Variants in ZNF341 observed in about 807,000 individuals in gnomAD.
ZNF341 encodes the protein zinc finger protein 341.
A neutral mutation model predicts 87.7 loss-of-function variants in ZNF341; 52 were observed. The ratio of observed to expected loss-of-function variants is 0.59; its 90% confidence interval spans 0.47 to 0.75. ZNF341 has a LOEUF of 0.75. Ranked by LOEUF, ZNF341 falls within the 30% of genes least tolerant of loss-of-function variation. The pLI, the probability that ZNF341 is intolerant of heterozygous loss-of-function variation, is 0.00. For synonymous variants in ZNF341, 459 were observed against 472.7 expected (o/e 0.97, Z 0.38); for missense variants, 977 against 1,145.9 (o/e 0.85, Z 2.13).
chr20:33,780,118 G>A (rs527380696), intron 10 of ZNF341, among the ~76,000 whole-genome samples: 32 of 152,286 alleles, frequency 2.1e-4, no homozygotes, highest in Non-Finnish European at 4.6e-4. Flanking sequence ...CCTCTTTGGG[G>A]AGGTGACATT....
intron 4 of ZNF341, among the ~76,000 whole-genome samples, chr20:33,750,327 G>T (rs1394979399): frequency 6.6e-6 from 1 of 152,182 alleles, no homozygotes; most frequent in African/African-American, 2.4e-5. Flanking sequence ...TTCTCCCCTT[G>T]CTGTGTCCCT....
At chr20:33,749,288 C>A (rs2019007176) in intron 4 of ZNF341, among the ~76,000 whole-genome samples, 1 of 152,016 alleles carries the variant, frequency 6.6e-6, no homozygotes, top group Admixed American at 6.6e-5. Context: ...CAATACAGTG[C>A]AGCTATTTTG....
chr20:33,743,322 C>T (rs903091999), intron 2 of ZNF341, among the ~76,000 whole-genome samples: 1 of 148,442 alleles, frequency 6.7e-6, no homozygotes, highest in African/African-American at 2.5e-5. Flanking sequence ...CGTGAGCCAC[C>T]GCACCCTGCC....
intron 9 of ZNF341, among the ~76,000 whole-genome samples, chr20:33,768,676 GC>G (rs1691040253): frequency 6.6e-6 from 1 of 152,124 alleles, no homozygotes; most frequent in Non-Finnish European, 1.5e-5. Flanking sequence ...GCCTGCCTTG[GC>G]CTCCCAGCAT....
rs1405795534 is a variant in ZNF341, at chr20:33,748,934, C to T, written c.351C>T (p.Tyr117=). The T allele has an allele frequency of 6.2e-7, 1 of 1,613,210 alleles. No homozygotes were observed. The highest frequency in any genetic ancestry group is 8.5e-7 in the Non-Finnish European group (1 of 1,179,420). ...CTCCCACTGTCCAGATCTCCACATA[C>T]ATCACAGTGCCCCCGTCCCCACTGA... ...PTPANRQIST[Y]ITVPPSPLIQ... The change falls in exon 4 of 15, where the codon TAC becomes TAT. Residue 117 remains tyrosine, a synonymous_variant. Coordinates refer to ENST00000375200, the MANE Select transcript of ZNF341 (RefSeq NM_001282933.2).
intron 12 of ZNF341, 110 bp from the exon 13 acceptor site, chr20:33,788,753 T>C: frequency 1.2e-6 from 1 of 808,370 alleles, no homozygotes; most frequent in Non-Finnish European, 2.1e-6. Flanking sequence ...TTTTCTCCCC[T>C]GGCCACCTCC....
rs777730117 is a variant in ZNF341, at chr20:33,791,557, C to G, written c.*40C>G. ...CTGTTTCCTGGGCAGGCCTGATGCT[C>G]CTGTTTGGGTCCAGGGCCCCTGGGG... is the stretch of plus-strand genomic sequence containing the variant. On this transcript the variant is annotated 3_prime_UTR_variant, in exon 15 of 15. Coordinates refer to ENST00000375200, the MANE Select transcript of ZNF341 (RefSeq NM_001282933.2). 1.5e-5 allele frequency: 23 copies of G among 1,501,996 alleles called. No homozygotes were observed. The highest frequency in any genetic ancestry group is 2.0e-5 in the Non-Finnish European group (23 of 1,129,900). 93.0% of individuals were successfully genotyped at this position (1,501,996 alleles called of 1,614,324 possible).
intron 5 of ZNF341, among the ~76,000 whole-genome samples, chr20:33,756,129 G>A (rs935455990): frequency 2.0e-5 from 3 of 151,876 alleles, no homozygotes; most frequent in Admixed American, 6.6e-5. Flanking sequence ...GGGGTGAGGC[G>A]GGAGGGTTGC....
At chr20:33,790,785 G>A (rs1408298138) in intron 14 of ZNF341, among the ~76,000 whole-genome samples, 1 of 152,214 alleles carries the variant, frequency 6.6e-6, no homozygotes, top group East Asian at 1.9e-4. Flanking sequence ...GCAGAGGGAG[G>A]AGCCAGCGTG....
intron 10 of ZNF341, among the ~76,000 whole-genome samples, chr20:33,777,659 G>T (rs2019656581): frequency 6.6e-6 from 1 of 150,496 alleles, no homozygotes; most frequent in South Asian, 2.1e-4. Flanking sequence ...AGAAGAAAAA[G>T]AAATCAGGAA....
intron 4 of ZNF341, chr20:33,752,088 C>T (rs1000319257): frequency 2.5e-5 from 10 of 396,442 alleles, no homozygotes; most frequent in East Asian, 2.3e-4. Flanking sequence ...ATCCCAGTCA[C>T]GAGCTAGTGC....
At chr20:33,789,407 C>A in intron 13 of ZNF341, 111 bp from the exon 14 acceptor site, 1 of 1,147,410 alleles carries the variant, frequency 8.7e-7, no homozygotes, top group South Asian at 1.3e-5. Flanking sequence ...ACCTCCTTGC[C>A]CAGCCCTTAG....
chr20:33,769,739 C>T (rs1202389170), intron 9 of ZNF341, among the ~76,000 whole-genome samples: 5 of 152,094 alleles, frequency 3.3e-5, no homozygotes, highest in South Asian at 2.1e-4. Context: ...GGTGAAACCC[C>T]GTCTCTACTA....
At chr20:33,755,070 G>A (rs1364792226) in intron 5 of ZNF341, among the ~76,000 whole-genome samples, 5 of 152,100 alleles carry the variant, frequency 3.3e-5, no homozygotes, top group African/African-American at 1.2e-4. Context: ...AGCCTCCCAA[G>A]TAGCTGGTAT....
At chr20:33,746,228 C>CTTTTTTTTT (rs34461652) in intron 3 of ZNF341, among the ~76,000 whole-genome samples, 1 of 104,112 alleles carries the variant, frequency 9.6e-6, no homozygotes, top group African/African-American at 4.8e-5. Context: ...CGCGCCCGGC[C>CTTTTTTTTT]TTTTTTTTTT....
rs932645322 is a variant in ZNF341 at position 33,732,046 on chromosome 20, C to G, written c.25C>G (p.Leu9Val). MAQAIFEA[L>V]EGMDNQTVLA... ...GATGGCGCAGGCGATCTTTGAGGCC[C>G]TGGAGGGTGAGCGGCGGCGGGGCCG... The change falls in exon 1 of 15, where the codon CTG (leucine) becomes GTG (valine). Residue 9 changes from leucine to valine, a missense_variant. Around this residue, in one of 3 missense-constraint regions of ZNF341, gnomAD observed 515 missense variants for 598.2 expected, o/e 0.86. Coordinates refer to ENST00000375200, the MANE Select transcript of ZNF341 (RefSeq NM_001282933.2). The surrounding 1 kb of genome is among the most constrained non-coding windows in gnomAD (Gnocchi z 4.5). 1.5e-6 allele frequency: 2 copies of G among 1,313,074 alleles called. No individual in the cohort carries two copies. Among genetic ancestry groups the G allele is most frequent in the African/African-American group, 3.1e-5 (2 of 64,696 alleles). The allele number at this position is 1,313,074 out of a possible 1,614,324, so 81.3% of individuals were successfully genotyped here. A position where few individuals can be genotyped will look rare whatever the true frequency, so the allele number is the denominator to read the frequency against.
At chr20:33,750,316 C>A (rs1035888491) in intron 4 of ZNF341, among the ~76,000 whole-genome samples, 4 of 152,214 alleles carry the variant, frequency 2.6e-5, no homozygotes, top group Non-Finnish European at 5.9e-5. Flanking sequence ...AGGTGTTTTA[C>A]TTCTCCCCTT....
Position 33,783,239 on chromosome 20 carries a change from T to A in ZNF341, c.1720-493T>A, listed in dbSNP as rs2626545. Among the ~76,000 whole-genome samples, 1,360 of 152,356 alleles carry A rather than the reference T, an allele frequency of 8.9e-3. 26 individuals carry two copies. The highest frequency in any genetic ancestry group is 0.03 in the African/African-American group (1,253 of 41,580). ...TAATTTGCTCATTTTCCATTAATTC[T>A]TTTACTTGTCAGTCATTTGACCCAG... On this transcript the variant is annotated intron_variant, in intron 11 of 14. Transcript: ENST00000375200.
intron 12 of ZNF341, among the ~76,000 whole-genome samples, chr20:33,785,483 G>A (rs568933691): frequency 4.5e-4 from 69 of 152,058 alleles, no homozygotes; most frequent in African/African-American, 1.5e-3. Context: ...GATTACAGGC[G>A]CCCACCACAT....
Sources: gnomAD v4.1 joint callset for allele counts (sites outside exome capture counted in the v4.1 genomes callset) on GRCh38, gnomAD v4.1.1 for gene constraint, gnomAD v4.1.1 regional missense constraint, Gnocchi (gnomAD v3.1) non-coding constraint, MANE v1.5 for transcripts, NCBI Gene and HGNC (gene_info 2026-07-23, HGNC 2026-07-21) for gene names.